Variants in CSMD3 observed in about 807,000 individuals in gnomAD.
CSMD3 encodes CUB and sushi domain-containing protein 3.
Under a neutral mutation model 435.2 loss-of-function variants are expected in CSMD3, and 177 were observed. That is an observed-to-expected ratio of 0.41 (90% confidence interval 0.36 to 0.46). CSMD3 has a LOEUF of 0.46. Ranked by LOEUF, CSMD3 falls within the 20% of genes least tolerant of loss-of-function variation. CSMD3 has a pLI of 0.34. For synonymous variants in CSMD3, 1,656 were observed against 1,520.5 expected (o/e 1.09, Z -2.07); for missense variants, 4,265 against 4,504.6 (o/e 0.95, Z 1.52).
rs1821951778 is a variant in CSMD3, at chr8:112,311,204, A to T, written c.7697-38T>A. The T allele has an allele frequency of 5.2e-6, 8 of 1,547,726 alleles. No homozygotes were observed. The East Asian group carries it at 1.8e-4, about 35-fold the overall frequency. ...AAAAAAAAATGCTGTTTAATTAATGAATCAGAAGTTATTACCCAAAGTGAT... is the reference window on the plus strand; with the variant it reads ...AAAAAAAAATGCTGTTTAATTAATGTATCAGAAGTTATTACCCAAAGTGAT... On this transcript the variant is annotated intron_variant, in intron 49 of 70. Coordinates refer to ENST00000297405, the MANE Select transcript of CSMD3 (RefSeq NM_198123.2).
chr8:112,492,941 A>G (rs1199168729), intron 30 of CSMD3, among the ~76,000 whole-genome samples: 1 of 152,122 alleles, frequency 6.6e-6, no homozygotes, highest in Non-Finnish European at 1.5e-5. Context: ...GGGAGGATGT[A>G]TATAAGTTAT....
chr8:112,631,601 C>T (rs1212389075), intron 22 of CSMD3, among the ~76,000 whole-genome samples: 1 of 151,982 alleles, frequency 6.6e-6, no homozygotes, highest in Non-Finnish European at 1.5e-5. Flanking sequence ...AGGAATAACA[C>T]CTCCTCTGCT....
intron 10 of CSMD3, among the ~76,000 whole-genome samples, chr8:112,890,332 G>C (rs569493791): frequency 2.6e-5 from 4 of 151,720 alleles, no homozygotes; most frequent in Admixed American, 2.6e-4. Context: ...CTGGCATAAA[G>C]AGAAAGAAAA....
intron 22 of CSMD3, among the ~76,000 whole-genome samples, chr8:112,610,576 T>C (rs1294821719): frequency 6.6e-6 from 1 of 152,208 alleles, no homozygotes; most frequent in East Asian, 1.9e-4. Context: ...AAAAATTGTA[T>C]ATGATCGTAT....
At chr8:112,765,021 G>T (rs1208867859) in intron 13 of CSMD3, among the ~76,000 whole-genome samples, 4 of 151,542 alleles carry the variant, frequency 2.6e-5, no homozygotes, top group African/African-American at 9.7e-5. Context: ...TGAATGAGAG[G>T]TAAGAGGAAA....
At chr8:112,533,254 C>T (rs1825714816) in intron 27 of CSMD3, among the ~76,000 whole-genome samples, 1 of 151,820 alleles carries the variant, frequency 6.6e-6, no homozygotes, top group South Asian at 2.1e-4. Context: ...AACAAAATGA[C>T]ATTTGTAAGT....
intron 22 of CSMD3, among the ~76,000 whole-genome samples, chr8:112,632,185 A>T (rs2074533172): frequency 6.6e-6 from 1 of 152,078 alleles, no homozygotes; most frequent in Non-Finnish European, 1.5e-5. Flanking sequence ...AGAAGTTACA[A>T]TGATAGTACA....
At chr8:112,348,283 GGGACAACCA>G (rs1205892435) in intron 40 of CSMD3, among the ~76,000 whole-genome samples, 112 of 152,226 alleles carry the variant, frequency 7.4e-4, no homozygotes, top group African/African-American at 2.6e-3. Context: ...CTTTTTGTTA[GGGACAACCA>G]TACCTTAGTC....
intron 22 of CSMD3, among the ~76,000 whole-genome samples, chr8:112,598,963 G>A (rs1414016325): frequency 2.0e-5 from 3 of 150,848 alleles, no homozygotes. Flanking sequence ...GCATGGGCAA[G>A]GACTTCATGT....
At chr8:113,416,443 T>C (rs1417235605) in intron 1 of CSMD3, among the ~76,000 whole-genome samples, 1 of 152,142 alleles carries the variant, frequency 6.6e-6, no homozygotes, top group Admixed American at 6.5e-5. Context: ...GCATTGGAAA[T>C]TATTGCCTCT....
chr8:113,191,420 G>A (rs927569623), intron 3 of CSMD3, among the ~76,000 whole-genome samples: 8 of 151,418 alleles, frequency 5.3e-5, no homozygotes, highest in East Asian at 2.0e-4. Context: ...GAAGTCCCCC[G>A]TGTCTATTAT....
chr8:112,516,328 T>C (rs886169140), intron 28 of CSMD3, among the ~76,000 whole-genome samples: 1 of 152,136 alleles, frequency 6.6e-6, no homozygotes, highest in African/African-American at 2.4e-5. Flanking sequence ...AAATTCAAGA[T>C]GACACAAATA....
chr8:112,886,432 T>C (rs1250093692), intron 10 of CSMD3, among the ~76,000 whole-genome samples: 1 of 151,496 alleles, frequency 6.6e-6, no homozygotes, highest in Non-Finnish European at 1.5e-5. Context: ...GCTCAAAATA[T>C]GTTCCTGTTA....
chr8:112,335,305 T>C lies in CSMD3; in HGVS notation c.7165+24A>G, dbSNP rs746348938. On this transcript the variant is annotated intron_variant, in intron 45 of 70. Coordinates refer to ENST00000297405, the MANE Select transcript of CSMD3 (RefSeq NM_198123.2). ...ACAAATTAAACAGTAGCAAATGAAATAGGAACTCTCAGATAATACCAACCG... is the reference window on the plus strand; with the variant it reads ...ACAAATTAAACAGTAGCAAATGAAACAGGAACTCTCAGATAATACCAACCG... The C allele has an allele frequency of 8.7e-6, 14 of 1,608,508 alleles. No homozygotes were observed. In the African/African-American group the frequency reaches 9.4e-5, roughly 11 times the overall value.
intron 12 of CSMD3, among the ~76,000 whole-genome samples, chr8:112,809,110 A>T (rs905257916): frequency 1.3e-5 from 2 of 152,218 alleles, no homozygotes; most frequent in Non-Finnish European, 2.9e-5. Flanking sequence ...TATGAAATTC[A>T]GTCAGAAACC....
At chr8:112,589,365 C>G (rs1044514263) in intron 22 of CSMD3, among the ~76,000 whole-genome samples, 1 of 152,024 alleles carries the variant, frequency 6.6e-6, no homozygotes, top group Non-Finnish European at 1.5e-5. Flanking sequence ...CCTCTGGTCC[C>G]AAGAGATGTG....
At chr8:113,073,758 T>C (rs987330684) in intron 5 of CSMD3, among the ~76,000 whole-genome samples, 12 of 151,752 alleles carry the variant, frequency 7.9e-5, no homozygotes, top group Non-Finnish European at 1.5e-4. Context: ...TTTAACATAA[T>C]GGGCATATAT....
At chr8:113,337,709 T>C (rs1225630305) in intron 1 of CSMD3, among the ~76,000 whole-genome samples, 1 of 152,036 alleles carries the variant, frequency 6.6e-6, no homozygotes, top group East Asian at 1.9e-4. Context: ...AGTGAAGTTT[T>C]GGAGATGTTG....
chr8:112,313,883 C>G (rs2130829902), intron 49 of CSMD3, 23 bp downstream of exon 49: 7 of 1,583,078 alleles, frequency 4.4e-6, no homozygotes, highest in Non-Finnish European at 6.1e-6. Context: ...GAGATCTGTC[C>G]TGAAGTTATA....
Sources: allele counts gnomAD v4.1 joint callset (sites outside exome capture counted in the v4.1 genomes callset), GRCh38; gene constraint gnomAD v4.1.1; transcripts MANE v1.5; gene names NCBI Gene and HGNC (gene_info 2026-07-23, HGNC 2026-07-21).